C10orf90: variants seen among roughly 807,000 people sequenced by gnomAD.
C10orf90 encodes chromosome 10 open reading frame 90.
C10orf90 carries 56 observed loss-of-function variants against 62.5 expected under a neutral mutation model. The observed-to-expected ratio is 0.90, with a 90% confidence interval of 0.72 to 1.12. The LOEUF (loss-of-function observed/expected upper bound fraction) is 1.12. C10orf90 is among the 50% of genes most tolerant of loss of function. C10orf90 has a pLI of 0.00. For missense variants in C10orf90, 970 were observed against 880.4 expected, an observed-to-expected ratio of 1.10 and a Z score of -1.29; for synonymous variants, 386 against 340.4, an observed-to-expected ratio of 1.13 and a Z score of -1.47.
At chr10:126,659,847 A>G (rs1349658554) in intron 1 of C10orf90, among the ~76,000 whole-genome samples, 7 of 152,216 alleles carry the variant, frequency 4.6e-5, no homozygotes, top group Admixed American at 2.6e-4. Flanking sequence ...CTAATCAACC[A>G]TCATGCACCC....
At chr10:126,508,535 A>G (rs577110766) in intron 3 of C10orf90, among the ~76,000 whole-genome samples, 189 of 139,466 alleles carry the variant, frequency 1.4e-3, no homozygotes, top group African/African-American at 5.0e-3. Context: ...AGATTTCTAG[A>G]CCTCTCCTTC....
intron 1 of C10orf90, among the ~76,000 whole-genome samples, chr10:126,661,546 T>C (rs1007728773): frequency 2.0e-5 from 3 of 152,218 alleles, no homozygotes; most frequent in Admixed American, 6.5e-5. Context: ...AATGTGGATA[T>C]GGTTTCCCCA....
intron 5 of C10orf90, among the ~76,000 whole-genome samples, chr10:126,461,789 G>T (rs1859997112): frequency 6.6e-6 from 1 of 152,298 alleles, no homozygotes; most frequent in African/African-American, 2.4e-5. Context: ...CATTCAGCCA[G>T]ACTTCAGGAC....
At chr10:126,570,498 T>C (rs1230400741) in intron 2 of C10orf90, among the ~76,000 whole-genome samples, 1 of 152,228 alleles carries the variant, frequency 6.6e-6, no homozygotes, top group Non-Finnish European at 1.5e-5. Context: ...AGGAGGGACT[T>C]TAAAACTTAA....
intron 3 of C10orf90, 123 bp downstream of exon 3, chr10:126,513,725 C>T (rs1007129871): frequency 3.2e-6 from 2 of 634,628 alleles, no homozygotes; most frequent in Admixed American, 5.5e-5. Context: ...AGATTGTTTG[C>T]TACATTAATT....
chr10:126,552,299 T>C (rs917119950), intron 2 of C10orf90, among the ~76,000 whole-genome samples: 2 of 152,220 alleles, frequency 1.3e-5, no homozygotes, highest in African/African-American at 4.8e-5. Context: ...AGCTTGCCTT[T>C]GTTATCTTTA....
At chr10:126,639,672 T>G (rs1846021563) in intron 2 of C10orf90, among the ~76,000 whole-genome samples, 1 of 152,242 alleles carries the variant, frequency 6.6e-6, no homozygotes, top group African/African-American at 2.4e-5. Context: ...AGGCAGTAAC[T>G]GAGCATTCAT....
chr10:126,479,574 C>T (rs1035231887), intron 4 of C10orf90, among the ~76,000 whole-genome samples: 3 of 152,178 alleles, frequency 2.0e-5, no homozygotes, highest in Non-Finnish European at 4.4e-5. Context: ...GGACCCACCC[C>T]CTCCAGGACG....
At chr10:126,577,496 A>C (rs1275808888) in intron 2 of C10orf90, among the ~76,000 whole-genome samples, 1 of 152,028 alleles carries the variant, frequency 6.6e-6, no homozygotes, top group Non-Finnish European at 1.5e-5. Context: ...CTCTGGACTA[A>C]TTTTTTAAAA....
At chr10:126,536,360 C>G (rs1047764148) in intron 2 of C10orf90, among the ~76,000 whole-genome samples, 7 of 152,194 alleles carry the variant, frequency 4.6e-5, no homozygotes, top group African/African-American at 1.4e-4. Flanking sequence ...TGGAGCTTGG[C>G]GCTGTCCAAG....
At chr10:126,513,356 G>A (rs1348787796) in intron 3 of C10orf90, among the ~76,000 whole-genome samples, 2 of 152,164 alleles carry the variant, frequency 1.3e-5, no homozygotes, top group African/African-American at 4.8e-5. Flanking sequence ...TGCATCAGTC[G>A]ATTAGACAGA....
chr10:126,465,060 G>T, intron 4 of C10orf90, 74 bp from the exon 5 acceptor site: 1 of 1,491,478 alleles, frequency 6.7e-7, no homozygotes, highest in Non-Finnish European at 9.1e-7. Context: ...TACCGCACAT[G>T]GTGCTTTTCT....
At chr10:126,593,842 G>T (rs1015371406) in intron 2 of C10orf90, among the ~76,000 whole-genome samples, 11 of 152,176 alleles carry the variant, frequency 7.2e-5, no homozygotes, top group African/African-American at 2.6e-4. Flanking sequence ...GGGGCTGAGG[G>T]TGTATCATAT....
At chr10:126,498,918 A>G (rs1862229973) in intron 4 of C10orf90, among the ~76,000 whole-genome samples, 1 of 151,868 alleles carries the variant, frequency 6.6e-6, no homozygotes, top group African/African-American at 2.4e-5. Context: ...ATCCCAGAAC[A>G]CTCCCCAGTA....
chr10:126,630,068 T>G (rs1357433084), intron 2 of C10orf90, among the ~76,000 whole-genome samples: 1 of 152,256 alleles, frequency 6.6e-6, no homozygotes, highest in African/African-American at 2.4e-5. Flanking sequence ...AAATAGCGGC[T>G]GCCTGTGTGT....
intron 2 of C10orf90, among the ~76,000 whole-genome samples, chr10:126,550,377 G>C (rs545337604): frequency 2.0e-5 from 3 of 152,138 alleles, no homozygotes; most frequent in Non-Finnish European, 4.4e-5. Flanking sequence ...ATCAACAGGA[G>C]GGAACCTTGT....
At chr10:126,435,527 G>A (rs902981848) in intron 7 of C10orf90, among the ~76,000 whole-genome samples, 1 of 152,034 alleles carries the variant, frequency 6.6e-6, no homozygotes, top group African/African-American at 2.4e-5. Flanking sequence ...TGAAGAGAAC[G>A]CCCCACCATG....
In C10orf90 at chr10:126,668,808, G is replaced by A. The variant is rs534205785; in HGVS notation, c.240+1433C>T. Among the ~76,000 whole-genome samples the A allele has an allele frequency of 2.6e-5, 4 of 152,218 alleles. No homozygotes were observed. The South Asian group carries it at 8.3e-4, about 32-fold the overall frequency. On this transcript the variant is annotated intron_variant, in intron 1 of 9. Coordinates refer to ENST00000488181, the MANE Select transcript of C10orf90 (RefSeq NM_001350921.2). The stretch of plus-strand genomic sequence containing the variant: ...GCTCGGTTGTTGGCTGTCAATAGTA[G>A]CAGCGTATTGGGCCCTGAAAAAAAT...
At chr10:126,609,064 C>T (rs1014193105) in intron 2 of C10orf90, among the ~76,000 whole-genome samples, 2 of 152,180 alleles carry the variant, frequency 1.3e-5, no homozygotes, top group African/African-American at 4.8e-5. Flanking sequence ...TCATCCTTTC[C>T]TGCCTCAGTT....
Sources: allele counts gnomAD v4.1 joint callset (sites outside exome capture counted in the v4.1 genomes callset), GRCh38; gene constraint gnomAD v4.1.1; transcripts MANE v1.5; gene names NCBI Gene and HGNC (gene_info 2026-07-23, HGNC 2026-07-21).